Variants in IRAK2 observed in about 807,000 individuals in gnomAD.
The protein encoded by IRAK2 is interleukin-1 receptor-associated kinase-like 2.
In IRAK2, 57 loss-of-function variants were observed where a neutral mutation model predicts 72.0. That is an observed-to-expected ratio of 0.79 (90% CI 0.64 to 0.99). The LOEUF is 0.99. Among genes scored for constraint, IRAK2 ranks in the 50% least tolerant of loss-of-function variants. The pLI is 0.00. For synonymous variants in IRAK2, 293 were observed against 312.7 expected, an observed-to-expected ratio of 0.94 and a Z score of 0.67; for missense variants, 790 against 794.4, an observed-to-expected ratio of 0.99 and a Z score of 0.07.
At chr3:10,178,388 C>T (rs773697907) in intron 2 of IRAK2, among the ~76,000 whole-genome samples, 5 of 151,254 alleles carry the variant, frequency 3.3e-5, no homozygotes, top group South Asian at 4.2e-4. Flanking sequence ...ACCTGGGAGG[C>T]GGAGGTTGCA....
rs1176381879 is a variant in IRAK2, at chr3:10,200,316, T to A, written c.278-53T>A. 4.0e-6 allele frequency: 6 copies of A among 1,485,778 alleles called. No individual in the cohort carries two copies. The Admixed American group carries it at 8.5e-5, about 21-fold the overall frequency. The allele number at this position is 1,485,778 out of a possible 1,614,324, so 92.0% of individuals were successfully genotyped here. A position where few individuals can be genotyped will look rare whatever the true frequency, so the allele number is the denominator to read the frequency against. On this transcript the variant is annotated intron_variant, in intron 2 of 12. Coordinates refer to ENST00000256458, the MANE Select transcript of IRAK2 (RefSeq NM_001570.4). Reference sequence around the variant, plus strand: ...CTGACTTCCAGAACCAGTCTCTCAATGGCTACCCCACTTCATGGAATAGTA... The same window carrying A: ...CTGACTTCCAGAACCAGTCTCTCAAAGGCTACCCCACTTCATGGAATAGTA...
At position 10,238,736 on chromosome 3, in the gene IRAK2, CT is replaced by C. The variant is rs1333959410; in HGVS notation, c.1474-10del. 1 of 1,610,450 alleles carries C rather than the reference CT, an allele frequency of 6.2e-7. No homozygotes were observed. On this transcript the variant is annotated splice_polypyrimidine_tract_variant and intron_variant, in intron 11 of 12. Transcript: ENST00000256458. ...ATTCCTGATGAGCTCCCTTCTCTCT[CT>C]TCTCCCAAAGGTGTGTGGCTCTGTG...
intron 9 of IRAK2, 121 bp downstream of exon 9, chr3:10,222,952 G>A: frequency 1.1e-6 from 1 of 895,274 alleles, no homozygotes; most frequent in Non-Finnish European, 1.7e-6. Flanking sequence ...TACAACAGGG[G>A]CTGACAAACT....
At chr3:10,187,191 T>C (rs1204683089) in intron 2 of IRAK2, among the ~76,000 whole-genome samples, 1 of 147,810 alleles carries the variant, frequency 6.8e-6, no homozygotes, top group Non-Finnish European at 1.5e-5. Context: ...TTTGCAGTGT[T>C]AACAAATGTA....
intron 1 of IRAK2, 105 bp from the exon 2 acceptor site, chr3:10,177,733 T>G (rs1183877021): frequency 2.7e-6 from 3 of 1,102,278 alleles, no homozygotes; most frequent in African/African-American, 1.5e-5. Context: ...GAGGCGGTGG[T>G]TGGGGAGGAT....
intron 8 of IRAK2, among the ~76,000 whole-genome samples, chr3:10,222,390 C>T (rs981094065): frequency 2.0e-5 from 3 of 152,122 alleles, no homozygotes; most frequent in African/African-American, 7.2e-5. Context: ...GGAGGCTGCA[C>T]TTTGGCCACA....
At chr3:10,229,188 A>G (rs556817657) in intron 10 of IRAK2, among the ~76,000 whole-genome samples, 145 of 152,170 alleles carry the variant, frequency 9.5e-4, no homozygotes, top group Non-Finnish European at 1.0e-3. Context: ...TGATCTGCCC[A>G]CCTTGACCTC....
chr3:10,230,281 A>ACCCCC lies in IRAK2; in HGVS notation c.1272+3853_1272+3857dup, dbSNP rs369885953. Among the ~76,000 whole-genome samples, 11 of 144,552 alleles carry ACCCCC rather than the reference A, an allele frequency of 7.6e-5. No individual in the cohort carries two copies. In the South Asian group the frequency reaches 2.1e-3, roughly 27 times the overall value. 94.8% of individuals were successfully genotyped at this position (144,552 alleles called of 152,430 possible). On this transcript the variant is annotated intron_variant, in intron 10 of 12. Coordinates refer to ENST00000256458, the MANE Select transcript of IRAK2 (RefSeq NM_001570.4). The stretch of plus-strand genomic sequence containing the variant: ...TCTATAAATTGAGGATAATAGTAGT[A>ACCCCC]CCCCCCCCCACCGACAAGGTATGTT...
chr3:10,227,965 A>G (rs1697806370), intron 10 of IRAK2, among the ~76,000 whole-genome samples: 1 of 152,018 alleles, frequency 6.6e-6, no homozygotes, highest in East Asian at 1.9e-4. Flanking sequence ...GTTCTTAACC[A>G]CAGCAGTCTC....
chr3:10,178,182 G>T (rs568445810), intron 2 of IRAK2, among the ~76,000 whole-genome samples, 162 bp downstream of exon 2: 82 of 152,322 alleles, frequency 5.4e-4, no homozygotes, highest in African/African-American at 1.9e-3. Context: ...AACAGGCCAG[G>T]TGCGGTGGCT....
chr3:10,219,278 GGA>G (rs2125158529), intron 7 of IRAK2, among the ~76,000 whole-genome samples: 1 of 152,158 alleles, frequency 6.6e-6, no homozygotes, highest in South Asian at 2.1e-4. Context: ...AGGAGGATCA[GGA>G]GCCTGGGACC....
chr3:10,185,165 T>C (rs929129697), intron 2 of IRAK2, among the ~76,000 whole-genome samples: 1 of 151,576 alleles, frequency 6.6e-6, no homozygotes, highest in African/African-American at 2.4e-5. Flanking sequence ...ACGCAAATTA[T>C]TGGGCCCCAC....
At chr3:10,210,951 C>T (rs1374380666) in intron 4 of IRAK2, among the ~76,000 whole-genome samples, 2 of 152,166 alleles carry the variant, frequency 1.3e-5, no homozygotes, top group African/African-American at 4.8e-5. Flanking sequence ...CTCTGCCTCC[C>T]AGGTTCAAGC....
chr3:10,228,072 C>T (rs1165348864), intron 10 of IRAK2, among the ~76,000 whole-genome samples: 1 of 152,030 alleles, frequency 6.6e-6, no homozygotes, highest in African/African-American at 2.4e-5. Flanking sequence ...TGACTTGTCT[C>T]ACGCCCCTCA....
At chr3:10,215,918 A>C (rs1697598888) in intron 6 of IRAK2, among the ~76,000 whole-genome samples, 1 of 152,206 alleles carries the variant, frequency 6.6e-6, no homozygotes, top group African/African-American at 2.4e-5. Context: ...TCTAGGCTCT[A>C]GGGAGTGTAC....
chr3:10,196,030 A>G (rs1697258215), intron 2 of IRAK2, among the ~76,000 whole-genome samples: 3 of 152,148 alleles, frequency 2.0e-5, no homozygotes, highest in African/African-American at 7.2e-5. Flanking sequence ...GCACCCTGGG[A>G]GCGACAGCTC....
intron 3 of IRAK2, among the ~76,000 whole-genome samples, chr3:10,201,807 T>C (rs1478270249): frequency 1.3e-5 from 2 of 152,214 alleles, no homozygotes; most frequent in African/African-American, 4.8e-5. Flanking sequence ...CAAATCCATG[T>C]AATCTCAGTT....
intron 2 of IRAK2, among the ~76,000 whole-genome samples, chr3:10,187,557 T>C (rs11927577): frequency 0.02 from 3,020 of 152,290 alleles, 80 homozygotes; most frequent in South Asian, 0.084. Context: ...TCCAGCAAGA[T>C]ACCCTGCTGC....
intron 2 of IRAK2, among the ~76,000 whole-genome samples, chr3:10,193,137 C>T (rs1473567570): frequency 6.6e-6 from 1 of 152,142 alleles, no homozygotes; most frequent in African/African-American, 2.4e-5. Flanking sequence ...AGAGCACAGG[C>T]ATTCCGAAAA....
Sources: gnomAD v4.1 joint callset for allele counts (sites outside exome capture counted in the v4.1 genomes callset) on GRCh38, gnomAD v4.1.1 for gene constraint, MANE v1.5 for transcripts, NCBI Gene and HGNC (gene_info 2026-07-23, HGNC 2026-07-21) for gene names.